IFT70A: variants seen among roughly 807,000 people sequenced by gnomAD.
IFT70A encodes the protein intraflagellar transport 70A.
At chr2:177,617,512 A>G in the IFT70A span, 31 of 1,614,190 alleles carry the variant, frequency 1.9e-5, no homozygotes, top group Non-Finnish European at 2.6e-5. Context: ...TGCTTCCTGT[A>G]CTTGCTTGGT....
At chr2:177,618,006 C>T in the IFT70A span, 1 of 1,614,222 alleles carries the variant, frequency 6.2e-7, no homozygotes, top group South Asian at 1.1e-5. Context: ...CATCAAAGCC[C>T]TCGGTGGTCA....
At chr2:177,616,602 A>T in the IFT70A span, 2 of 1,125,002 alleles carry the variant, frequency 1.8e-6, no homozygotes, top group South Asian at 4.0e-5. Context: ...AGTGGATAAG[A>T]TTCAAAATAA....
chr2:177,617,245 A>C, the IFT70A span: 3 of 1,587,162 alleles, frequency 1.9e-6, no homozygotes, highest in African/African-American at 4.1e-5. Context: ...ATGCTTCTTG[A>C]CTATGGGTTC....
At chr2:177,618,247 T>C in the IFT70A span, 2 of 1,614,244 alleles carry the variant, frequency 1.2e-6, no homozygotes, top group South Asian at 1.1e-5. Flanking sequence ...ATCGGTCTCA[T>C]TGTCGCCTCC....
the IFT70A span, chr2:177,618,421 A>T: frequency 6.2e-6 from 10 of 1,611,898 alleles, no homozygotes; most frequent in Non-Finnish European, 8.5e-6. Context: ...CTCCGGATAA[A>T]GGCAGGCCTT....
chr2:177,617,495 T>A, the IFT70A span: 4 of 1,614,178 alleles, frequency 2.5e-6, no homozygotes, highest in Non-Finnish European at 3.4e-6. Flanking sequence ...TCATCTCTGT[T>A]GTGTCTTGCT....
At chr2:177,618,595 C>T in the IFT70A span, 1 of 1,604,388 alleles carries the variant, frequency 6.2e-7, no homozygotes, top group Non-Finnish European at 8.5e-7. Flanking sequence ...CTGCAGTTCT[C>T]GGCCCAGCAG....
chr2:177,617,157 T>C, the IFT70A span: 1 of 1,605,768 alleles, frequency 6.2e-7, no homozygotes, highest in Non-Finnish European at 8.5e-7. Context: ...CCTCTGCTTC[T>C]TCATTTTGAC....
chr2:177,617,510 G>C, the IFT70A span: 6 of 1,614,130 alleles, frequency 3.7e-6, no homozygotes, highest in Non-Finnish European at 5.1e-6. Flanking sequence ...CTTGCTTCCT[G>C]TACTTGCTTG....
At chr2:177,618,292 T>C in the IFT70A span, 1 of 1,614,156 alleles carries the variant, frequency 6.2e-7, no homozygotes, top group Non-Finnish European at 8.5e-7. Flanking sequence ...CAGCAGCTGC[T>C]CCACCAGGCT....
the IFT70A span, chr2:177,614,510 A>G: frequency 6.6e-6 from 1 of 152,180 alleles, no homozygotes; most frequent in African/African-American, 2.4e-5. Context: ...TTTTTCTGGC[A>G]TTACCAATCT....
chr2:177,617,102 C>G, the IFT70A span: 4 of 1,611,996 alleles, frequency 2.5e-6, no homozygotes, highest in East Asian at 4.5e-5. Flanking sequence ...TTTGGGTCAT[C>G]ATAAGAGAGC....
At chr2:177,617,343 G>C in the IFT70A span, 1 of 1,594,980 alleles carries the variant, frequency 6.3e-7, no homozygotes, top group Non-Finnish European at 8.6e-7. Flanking sequence ...GGTCGTTACA[G>C]AATTCCACAG....
the IFT70A span, chr2:177,614,963 T>C: frequency 6.6e-6 from 1 of 152,186 alleles, no homozygotes; most frequent in African/African-American, 2.4e-5. Context: ...AAAACAAGAA[T>C]ATGAGGACTG....
At chr2:177,616,686 A>T in the IFT70A span, 1 of 1,458,214 alleles carries the variant, frequency 6.9e-7, no homozygotes, top group Non-Finnish European at 9.0e-7. Context: ...TTTTGAAAAA[A>T]GCCACTATCA....
At chr2:177,618,360 C>T in the IFT70A span, 4 of 1,613,572 alleles carry the variant, frequency 2.5e-6, no homozygotes, top group South Asian at 3.3e-5. Flanking sequence ...GGCGGAGGAC[C>T]CGGCTGTGGT....
At chr2:177,618,019 C>G in the IFT70A span, 1 of 1,614,072 alleles carries the variant, frequency 6.2e-7, no homozygotes, top group South Asian at 1.1e-5. Flanking sequence ...GGTGGTCATG[C>G]CCACACCTAG....
At chr2:177,616,864 A>G in the IFT70A span, 1 of 1,594,730 alleles carries the variant, frequency 6.3e-7, no homozygotes, top group Non-Finnish European at 8.5e-7. Flanking sequence ...TAAAAACTGG[A>G]CACATTCTTG....
At chr2:177,617,259 G>A in the IFT70A span, 11 of 1,578,524 alleles carry the variant, frequency 7.0e-6, no homozygotes, top group Non-Finnish European at 9.4e-6. Context: ...TGGGTTCATA[G>A]AAACCAATGG....
Sources: gnomAD v4.1 joint callset for allele counts on GRCh38, gnomAD v4.1.1 for gene constraint, MANE v1.5 for transcripts, NCBI Gene and HGNC (gene_info 2026-07-23, HGNC 2026-07-21) for gene names.